SGCZ: variants seen among roughly 807,000 people sequenced by gnomAD.
SGCZ encodes zeta-sarcoglycan.
Under a neutral mutation model 41.3 loss-of-function variants are expected in SGCZ, and 40 were observed. That is an observed-to-expected ratio of 0.97 (90% CI 0.75 to 1.26). The LOEUF is 1.26. Among genes scored for constraint, SGCZ ranks in the 50% most tolerant of loss-of-function variants. SGCZ has a pLI of 0.00. For missense variants in SGCZ, 552 were observed against 369.8 expected (o/e 1.49, Z -4.04); for synonymous variants, 206 against 137.5 (o/e 1.50, Z -3.49).
chr8:14,864,162 T>C (rs934359057), intron 1 of SGCZ, among the ~76,000 whole-genome samples: 17 of 152,186 alleles, frequency 1.1e-4, no homozygotes, highest in Non-Finnish European at 4.4e-5. Context: ...TTTTCAGCAA[T>C]AGTCACCATG....
intron 3 of SGCZ, among the ~76,000 whole-genome samples, chr8:14,298,588 C>T (rs1801092341): frequency 6.6e-6 from 1 of 151,874 alleles, no homozygotes; most frequent in Admixed American, 6.6e-5. Flanking sequence ...CCATTTATTA[C>T]AACATTAAAA....
chr8:14,151,435 C>CA (rs966450623), intron 5 of SGCZ, among the ~76,000 whole-genome samples: 11 of 144,708 alleles, frequency 7.6e-5, no homozygotes, highest in African/African-American at 2.1e-4. Flanking sequence ...TGAAAGATAC[C>CA]AAAAAAAAAC....
intron 1 of SGCZ, among the ~76,000 whole-genome samples, chr8:14,944,030 C>T (rs1041901746): frequency 1.3e-5 from 2 of 151,998 alleles, no homozygotes; most frequent in Non-Finnish European, 2.9e-5. Flanking sequence ...TAGGTGAATT[C>T]CATGTATTTG....
At chr8:14,571,039 A>C (rs1804535285) in intron 1 of SGCZ, among the ~76,000 whole-genome samples, 1 of 152,222 alleles carries the variant, frequency 6.6e-6, no homozygotes, top group African/African-American at 2.4e-5. Context: ...ACTGCTATAA[A>C]GAACACCTGA....
At chr8:14,257,490 T>A (rs74883566) in intron 3 of SGCZ, among the ~76,000 whole-genome samples, 1 of 39,188 alleles carries the variant, frequency 2.6e-5, no homozygotes, top group Admixed American at 2.4e-4. Context: ...GTATGACAAT[T>A]TTTTTTTTAT....
At chr8:14,286,789 T>C (rs535800607) in intron 3 of SGCZ, among the ~76,000 whole-genome samples, 2 of 152,144 alleles carry the variant, frequency 1.3e-5, no homozygotes, top group Non-Finnish European at 2.9e-5. Flanking sequence ...TGAAAGTTTT[T>C]AAAGCTGCTA....
intron 2 of SGCZ, among the ~76,000 whole-genome samples, chr8:14,482,487 T>C (rs1801561441): frequency 6.6e-6 from 1 of 152,178 alleles, no homozygotes; most frequent in African/African-American, 2.4e-5. Flanking sequence ...CAAAATCATT[T>C]TGTTTTCTTA....
chr8:14,492,795 T>C (rs1416816988), intron 2 of SGCZ, among the ~76,000 whole-genome samples: 1 of 151,738 alleles, frequency 6.6e-6, no homozygotes, highest in Non-Finnish European at 1.5e-5. Flanking sequence ...GTGGTATTCT[T>C]CCTGTGTTCC....
intron 1 of SGCZ, among the ~76,000 whole-genome samples, chr8:14,907,832 C>G (rs1383767697): frequency 6.6e-6 from 1 of 152,140 alleles, no homozygotes; most frequent in East Asian, 1.9e-4. Flanking sequence ...TTCAACCCTA[C>G]TATTAAAACA....
At chr8:14,446,269 G>C (rs969979114) in intron 2 of SGCZ, among the ~76,000 whole-genome samples, 2 of 152,122 alleles carry the variant, frequency 1.3e-5, no homozygotes, top group Non-Finnish European at 2.9e-5. Context: ...CTCTAACACT[G>C]GTTTTACCTA....
At chr8:15,211,013 A>C (rs111712018) in intron 1 of SGCZ, among the ~76,000 whole-genome samples, 111 of 134,386 alleles carry the variant, frequency 8.3e-4, no homozygotes, top group African/African-American at 2.5e-3. Context: ...CTCTCTCTCT[A>C]TATATAGATA....
intron 2 of SGCZ, among the ~76,000 whole-genome samples, chr8:14,551,584 T>G (rs886800950): frequency 2.2e-5 from 1 of 45,112 alleles, no homozygotes; most frequent in Non-Finnish European, 3.5e-5. Flanking sequence ...ATATATAATA[T>G]ATATAATATA....
At chr8:14,502,431 C>T (rs568990176) in intron 2 of SGCZ, among the ~76,000 whole-genome samples, 1 of 152,128 alleles carries the variant, frequency 6.6e-6, no homozygotes, top group African/African-American at 2.4e-5. Flanking sequence ...ATCTACAATA[C>T]AACTTCACTT....
intron 1 of SGCZ, among the ~76,000 whole-genome samples, chr8:15,014,865 C>T (rs1486643051): frequency 6.6e-6 from 1 of 152,186 alleles, no homozygotes; most frequent in Admixed American, 6.5e-5. Context: ...TGCAGATCTA[C>T]TCTCTTTAGG....
At chr8:14,227,771 A>T (rs6530734) in intron 4 of SGCZ, among the ~76,000 whole-genome samples, 90,768 of 151,794 alleles carry the variant, frequency 0.6, 27,471 homozygotes, top group East Asian at 0.76. Context: ...CCTTTGCTCA[A>T]TTTTCTATTC....
At chr8:14,556,896 A>G (rs1020076690) in intron 1 of SGCZ, among the ~76,000 whole-genome samples, 1 of 152,006 alleles carries the variant, frequency 6.6e-6, no homozygotes, top group Non-Finnish European at 1.5e-5. Context: ...TATAAACATG[A>G]AAGTGAAGTA....
intron 2 of SGCZ, among the ~76,000 whole-genome samples, chr8:14,429,124 G>C (rs1799871973): frequency 1.3e-5 from 2 of 152,182 alleles, no homozygotes; most frequent in East Asian, 1.9e-4. Flanking sequence ...TCAGATCTCT[G>C]TCCCTTTGCA....
At chr8:14,514,824 C>CA (rs1267867287) in intron 2 of SGCZ, among the ~76,000 whole-genome samples, 12 of 136,942 alleles carry the variant, frequency 8.8e-5, no homozygotes, top group African/African-American at 3.0e-4. Context: ...TATATATACA[C>CA]GCACACACAC....
chr8:14,555,413 G>A (rs1024238008), intron 1 of SGCZ, among the ~76,000 whole-genome samples: 4 of 151,930 alleles, frequency 2.6e-5, no homozygotes, highest in Admixed American at 6.6e-5. Flanking sequence ...CATGGGACGT[G>A]GTTAAGTGGG....
Sources: allele counts gnomAD v4.1 joint callset (sites outside exome capture counted in the v4.1 genomes callset), GRCh38; gene constraint gnomAD v4.1.1; transcripts MANE v1.5; gene names NCBI Gene and HGNC (gene_info 2026-07-23, HGNC 2026-07-21).